CTNNA2: variants seen among roughly 807,000 people sequenced by gnomAD.
CTNNA2 encodes the protein catenin alpha 2.
A neutral mutation model predicts 101.0 loss-of-function variants in CTNNA2; 42 were observed. The observed-to-expected ratio is 0.42, with a 90% CI of 0.32 to 0.54. The LOEUF is 0.54. Ranked by LOEUF, CTNNA2 falls within the 20% of genes least tolerant of loss-of-function variation. CTNNA2 has a pLI of 0.14. For missense variants in CTNNA2, 871 were observed against 1,223.1 expected (o/e 0.71, Z 4.29); for synonymous variants, 450 against 456.4 (o/e 0.99, Z 0.18).
intron 7 of CTNNA2, among the ~76,000 whole-genome samples, chr2:80,358,111 C>T (rs1462368014): frequency 6.6e-6 from 1 of 151,906 alleles, no homozygotes; most frequent in African/African-American, 2.4e-5. Context: ...TTTTATCACC[C>T]AGAAAGTAAG....
intron 7 of CTNNA2, among the ~76,000 whole-genome samples, chr2:80,258,106 A>G (rs186121465): frequency 1.2e-3 from 186 of 152,374 alleles, no homozygotes; most frequent in Non-Finnish European, 1.7e-3. Context: ...TGTTTCTAAC[A>G]GATGGATGTA....
At chr2:80,231,262 C>T (rs190723633) in intron 7 of CTNNA2, among the ~76,000 whole-genome samples, 2 of 152,208 alleles carry the variant, frequency 1.3e-5, no homozygotes, top group African/African-American at 4.8e-5. Context: ...ATTATGATTA[C>T]AGGTGTGAGC....
At position 80,145,501 on chromosome 2, in the gene CTNNA2, A is replaced by G. The variant is rs568435165; in HGVS notation, c.1056+235704A>G. ...CATGCTGCCTCCCCAAAGCATTTCTATTTAACTGCCATGTGCCTACTCCAT... is the reference window on the plus strand; with the variant it reads ...CATGCTGCCTCCCCAAAGCATTTCTGTTTAACTGCCATGTGCCTACTCCAT... On this transcript the variant is annotated intron_variant, in intron 7 of 18. Coordinates refer to ENST00000402739, the MANE Select transcript of CTNNA2 (RefSeq NM_001282597.3). Among the ~76,000 whole-genome samples, 6 of 152,296 alleles carry G rather than the reference A, an allele frequency of 3.9e-5. 1 individual carries two copies. In the South Asian group the frequency reaches 1.2e-3, roughly 32 times the overall value.
chr2:80,472,354 C>G (rs777786384), intron 9 of CTNNA2, among the ~76,000 whole-genome samples: 2 of 152,144 alleles, frequency 1.3e-5, no homozygotes, highest in Non-Finnish European at 2.9e-5. Flanking sequence ...TCAACCTACT[C>G]CCAGTGAAGA....
chr2:80,396,238 C>G (rs1398704633), intron 8 of CTNNA2, among the ~76,000 whole-genome samples: 1 of 152,110 alleles, frequency 6.6e-6, no homozygotes, highest in Non-Finnish European at 1.5e-5. Context: ...TATAGGGACC[C>G]AAAGGTACCA....
intron 2 of CTNNA2, among the ~76,000 whole-genome samples, chr2:79,726,898 TA>T (rs1686878621): frequency 6.6e-6 from 1 of 152,262 alleles, no homozygotes; most frequent in East Asian, 1.9e-4. Flanking sequence ...TATTGTTGGT[TA>T]AAAAAATTCC....
intron 3 of CTNNA2, among the ~76,000 whole-genome samples, chr2:79,845,063 G>A (rs1326785873): frequency 1.3e-5 from 2 of 150,032 alleles, no homozygotes; most frequent in Non-Finnish European, 3.0e-5. Context: ...TTGTGTGTGT[G>A]TGTGTATATA....
At position 79,583,325 on chromosome 2, in the gene CTNNA2, A is replaced by G. The variant is rs1177363637; in HGVS notation, c.-5-68227A>G. Among the ~76,000 whole-genome samples, 7 of 152,092 alleles carry G rather than the reference A, an allele frequency of 4.6e-5. No individual in the cohort carries two copies. In the South Asian group the frequency reaches 8.3e-4, roughly 18 times the overall value. Reference sequence around the variant, plus strand: ...TTTATACAGAAAAATTAGAATTGCTAATTTCTAGAGGATGGTTTCCTAGAA... The same window carrying G: ...TTTATACAGAAAAATTAGAATTGCTGATTTCTAGAGGATGGTTTCCTAGAA... On this transcript the variant is annotated intron_variant, in intron 1 of 18. Transcript: ENST00000402739.
chr2:79,806,702 C>T (rs1259195883), intron 3 of CTNNA2, among the ~76,000 whole-genome samples: 2 of 152,178 alleles, frequency 1.3e-5, no homozygotes, highest in East Asian at 1.9e-4. Context: ...GCTGAGTTGT[C>T]AGCTGGAAAA....
At chr2:80,475,614 T>C (rs894988005) in intron 9 of CTNNA2, among the ~76,000 whole-genome samples, 2 of 152,064 alleles carry the variant, frequency 1.3e-5, no homozygotes, top group Non-Finnish European at 2.9e-5. Context: ...GGAGATTAGG[T>C]GTTTTGGGAC....
intron 7 of CTNNA2, chr2:80,313,709 G>T (rs1250462856): frequency 3.8e-6 from 5 of 1,310,044 alleles, no homozygotes; most frequent in Non-Finnish European, 5.4e-6. Flanking sequence ...AGATTGGAAA[G>T]ACTTTCAACT....
rs13430497 is a variant in CTNNA2, at chr2:79,612,419, A to T, written c.-5-39133A>T. Among the ~76,000 whole-genome samples, 4 of 152,260 alleles carry T rather than the reference A, an allele frequency of 2.6e-5. 1 individual carries two copies. Among genetic ancestry groups the T allele is most frequent in the African/African-American group, 9.6e-5 (4 of 41,558 alleles). On this transcript the variant is annotated intron_variant, in intron 1 of 18. Transcript: ENST00000402739. The stretch of plus-strand genomic sequence containing the variant: ...AGGTTTGAATGTTTCATTGTTAGGT[A>T]GACTGTTTTCATAACAAACCAACAT...
intron 1 of CTNNA2, among the ~76,000 whole-genome samples, chr2:79,618,801 C>A (rs191174326): frequency 6.6e-6 from 1 of 152,176 alleles, no homozygotes; most frequent in African/African-American, 2.4e-5. Context: ...ACATGTAAGG[C>A]CCCATCTCCA....
At chr2:79,884,973 A>G (rs2104152708) in intron 6 of CTNNA2, among the ~76,000 whole-genome samples, 1 of 152,226 alleles carries the variant, frequency 6.6e-6, no homozygotes, top group South Asian at 2.1e-4. Context: ...TTCTGTGGTC[A>G]CTGCCCAAAG....
At position 79,707,111 on chromosome 2, in the gene CTNNA2, T is replaced by C. The variant is rs570155300; in HGVS notation, c.103-37276T>C. 5.1e-4 allele frequency among the ~76,000 whole-genome samples: 77 copies of C among 152,272 alleles called. 1 individual carries two copies. Among genetic ancestry groups the C allele is most frequent in the African/African-American group, 1.8e-3 (75 of 41,562 alleles). On this transcript the variant is annotated intron_variant, in intron 2 of 18. Coordinates refer to ENST00000402739, the MANE Select transcript of CTNNA2 (RefSeq NM_001282597.3). ...TGGAAAGGACCCCTCTGGATGACCA[T>C]TGAGAAAGGCACTGCTTTCACCTGG...
In CTNNA2 at chr2:80,496,471, A is replaced by G. The variant is rs117149768; in HGVS notation, c.1291-48511A>G. Among the ~76,000 whole-genome samples the G allele has an allele frequency of 3.6e-4, 55 of 151,130 alleles. No homozygotes were observed. The East Asian group carries it at 9.8e-3, about 27-fold the overall frequency. Reference sequence around the variant, plus strand: ...ACTGCATTACCACATAATGAGAGGAACGTGACTTGGAATTAAATCTGAGTT... The same window carrying G: ...ACTGCATTACCACATAATGAGAGGAGCGTGACTTGGAATTAAATCTGAGTT... On this transcript the variant is annotated intron_variant, in intron 9 of 18. Transcript: ENST00000402739.
At chr2:80,233,209 G>A (rs1709356750) in intron 7 of CTNNA2, among the ~76,000 whole-genome samples, 1 of 151,958 alleles carries the variant, frequency 6.6e-6, no homozygotes, top group Non-Finnish European at 1.5e-5. Flanking sequence ...GAGGACTCTG[G>A]CCTTGGTAGT....
chr2:80,051,186 A>T (rs1216152679), intron 7 of CTNNA2, among the ~76,000 whole-genome samples: 1 of 152,224 alleles, frequency 6.6e-6, no homozygotes, highest in Non-Finnish European at 1.5e-5. Context: ...TTAGGATCTC[A>T]TAGGATTGTC....
intron 7 of CTNNA2, among the ~76,000 whole-genome samples, chr2:79,935,455 A>G (rs1328427772): frequency 6.6e-6 from 1 of 152,118 alleles, no homozygotes; most frequent in East Asian, 1.9e-4. Flanking sequence ...TTGCCTGTTA[A>G]CATTTTGCCC....
Sources: allele counts gnomAD v4.1 joint callset (sites outside exome capture counted in the v4.1 genomes callset), GRCh38; gene constraint gnomAD v4.1.1; transcripts MANE v1.5; gene names NCBI Gene and HGNC (gene_info 2026-07-23, HGNC 2026-07-21).